The following ATP13A3 variants were observed in gnomAD, a reference collection of about 807,000 sequenced individuals.
ATP13A3 encodes the protein polyamine-transporting ATPase 13A3.
ATP13A3 carries 59 observed loss-of-function variants against 158.1 expected under a neutral mutation model. That is an observed-to-expected ratio of 0.37 (90% CI 0.30 to 0.46). The LOEUF (loss-of-function observed/expected upper bound fraction) is 0.46, where lower values mean the gene tolerates loss of function less well. Among genes scored for constraint, ATP13A3 ranks in the 20% least tolerant of loss-of-function variants. ATP13A3 has a pLI of 1.00. For missense variants in ATP13A3, 1,166 were observed against 1,525.2 expected, an observed-to-expected ratio of 0.76 and a Z score of 3.92; for synonymous variants, 491 against 504.3, an observed-to-expected ratio of 0.97 and a Z score of 0.35.
chr3:194,449,336 T>C (rs931212436), intron 11 of ATP13A3, among the ~76,000 whole-genome samples: 2 of 151,898 alleles, frequency 1.3e-5, no homozygotes, highest in African/African-American at 4.8e-5. Flanking sequence ...ATATAAATCA[T>C]TTTCTAGCCA....
At chr3:194,432,628 C>T (rs1717308775) in intron 21 of ATP13A3, among the ~76,000 whole-genome samples, 1 of 152,022 alleles carries the variant, frequency 6.6e-6, no homozygotes, top group Admixed American at 6.6e-5. Flanking sequence ...AGTGTCTTGA[C>T]AAAGAAGACG....
chr3:194,470,618 A>G (rs1263183635), intron 2 of ATP13A3, among the ~76,000 whole-genome samples: 1 of 152,220 alleles, frequency 6.6e-6, no homozygotes, highest in African/African-American at 2.4e-5. Context: ...TATGCAATGT[A>G]ATAAAACAGT....
intron 29 of ATP13A3, 130 bp downstream of exon 29, chr3:194,426,945 A>G: frequency 1.0e-6 from 1 of 963,182 alleles, no homozygotes; most frequent in Non-Finnish European, 1.5e-6. Context: ...CGGCCTCCCC[A>G]AAGTACTAGG....
In ATP13A3 at chr3:194,430,995, G is replaced by A. The variant is rs1273960220; in HGVS notation, c.2572C>T (p.Arg858Cys). Reference sequence around the variant, plus strand: ...TGTGTCTTCTGATCAGGTGCCATACGGGCAAACACGGTGCCATGCAACATC... The same window carrying A: ...TGTGTCTTCTGATCAGGTGCCATACAGGCAAACACGGTGCCATGCAACATC... ...KLMLHGTVFA[R>C]MAPDQKTQLI... The change falls in exon 24 of 34, where the codon CGT becomes TGT. Residue 858 changes from arginine to cysteine, a missense_variant. Physicochemically the swap from Arg to Cys is radical, Grantham distance 180. Transcript: ENST00000645319. 5 of 1,613,268 alleles carry A rather than the reference G, an allele frequency of 3.1e-6. No individual in the cohort carries two copies. The highest frequency in any genetic ancestry group is 4.2e-6 in the Non-Finnish European group (5 of 1,179,502).
At position 194,403,961 on chromosome 3, in the gene ATP13A3, A is replaced by C; in HGVS notation, c.*1958T>G. ...ATAGCTCTTTATGATCATGCTCTTAAAGATGTTAAATACAATCGGATAATT... is the reference window on the plus strand; with the variant it reads ...ATAGCTCTTTATGATCATGCTCTTACAGATGTTAAATACAATCGGATAATT... On this transcript the variant is annotated 3_prime_UTR_variant, in exon 34 of 34. Coordinates refer to ENST00000645319, the MANE Select transcript of ATP13A3 (RefSeq NM_001367549.1). 1 of 356,656 alleles carries C rather than the reference A, an allele frequency of 2.8e-6. No individual in the cohort carries two copies. Among genetic ancestry groups the C allele is most frequent in the Non-Finnish European group, 5.5e-6 (1 of 183,260 alleles). 22.1% of individuals were successfully genotyped at this position (356,656 alleles called of 1,614,324 possible). A position where few individuals can be genotyped will look rare whatever the true frequency, so the allele number is the denominator to read the frequency against.
intron 22 of ATP13A3, 36 bp from the exon 23 acceptor site, chr3:194,431,262 A>T: frequency 1.3e-6 from 2 of 1,545,082 alleles, no homozygotes; most frequent in East Asian, 4.6e-5. Context: ...ATATTTAGGC[A>T]ACCAAACCAA....
chr3:194,427,101 C>A lies in ATP13A3; in HGVS notation c.3099G>T (p.Trp1033Cys). 6.2e-7 allele frequency: 1 copy of A among 1,613,196 alleles called. No homozygotes were observed. Among genetic ancestry groups the A allele is most frequent in the Non-Finnish European group, 8.5e-7 (1 of 1,179,856 alleles). ...LGFFWVKQQP[W>C]YEVWHPKSDA... The stretch of plus-strand genomic sequence containing the variant: ...CTGATTTTGGATGCCACACTTCATA[C>A]CAAGGTTGCTGTTTGACCCAAAAAA... Residue 1033 changes from tryptophan to cysteine, a missense_variant, in exon 29 of 34, where the codon TGG (tryptophan) becomes TGT (cysteine). Trp to Cys is a radical substitution (Grantham distance 215). Around this residue, in one of 3 missense-constraint regions of ATP13A3, gnomAD observed 997 missense variants for 1,341.2 expected, o/e 0.74. Transcript: ENST00000645319.
intron 2 of ATP13A3, among the ~76,000 whole-genome samples, chr3:194,474,311 CCTAA>C (rs1251912956): frequency 6.6e-6 from 1 of 152,062 alleles, no homozygotes; most frequent in Admixed American, 6.6e-5. Context: ...AGCCACCACA[CCTAA>C]CTAATTCCCC....
chr3:194,473,774 C>T (rs1468947579), intron 2 of ATP13A3, among the ~76,000 whole-genome samples: 1 of 152,068 alleles, frequency 6.6e-6, no homozygotes, highest in Non-Finnish European at 1.5e-5. Flanking sequence ...AAACCTAGAA[C>T]CCACCTGAAC....
At position 194,430,315 on chromosome 3, in the gene ATP13A3, A is replaced by G. The variant is rs1261875559; in HGVS notation, c.2625T>C (p.Asp875=). The G allele has an allele frequency of 6.2e-7, 1 of 1,613,058 alleles. No homozygotes were observed. Among genetic ancestry groups the G allele is most frequent in the East Asian group, 2.2e-5 (1 of 44,868 alleles). Residue 875 remains aspartate, a splice_region_variant and synonymous_variant, in exon 25 of 34, where the codon GAT becomes GAC. Coordinates refer to ENST00000645319, the MANE Select transcript of ATP13A3 (RefSeq NM_001367549.1). ...CATCACCACACATCCCAACAAAATAACTAAGAAACAAAACAATGTTAAGAT... is the reference window on the plus strand; with the variant it reads ...CATCACCACACATCCCAACAAAATAGCTAAGAAACAAAACAATGTTAAGAT... ...TQLIEALQNV[D]YFVGMCGDGA... is the part of the protein sequence containing the mutation.
intron 2 of ATP13A3, chr3:194,472,088 C>T (rs1360926010): frequency 1.3e-5 from 2 of 152,732 alleles, no homozygotes; most frequent in African/African-American, 2.4e-5. Context: ...CCAGAGTCAA[C>T]CCTGCACCTC....
chr3:194,471,340 A>G (rs56118642), intron 2 of ATP13A3, among the ~76,000 whole-genome samples: 21 of 148,912 alleles, frequency 1.4e-4, no homozygotes, highest in Non-Finnish European at 2.1e-4. Context: ...AAAAAAAAAA[A>G]AAAAAAAGAA....
At chr3:194,493,412 C>T (rs535325740) in intron 2 of ATP13A3, among the ~76,000 whole-genome samples, 31 of 152,106 alleles carry the variant, frequency 2.0e-4, no homozygotes, top group African/African-American at 5.3e-4. Flanking sequence ...TTTGGGAGGC[C>T]GAGGCAGGTG....
At chr3:194,473,298 G>A (rs1385290248) in intron 2 of ATP13A3, among the ~76,000 whole-genome samples, 2 of 152,132 alleles carry the variant, frequency 1.3e-5, no homozygotes, top group Non-Finnish European at 2.9e-5. Flanking sequence ...TGATAATGGG[G>A]CGGAGAGAGA....
intron 27 of ATP13A3, 79 bp from the exon 28 acceptor site, chr3:194,428,996 G>A (rs1466383859): frequency 2.6e-5 from 25 of 951,674 alleles, no homozygotes; most frequent in Non-Finnish European, 3.6e-5. Flanking sequence ...TAATAGTTTG[G>A]ATTTTCCCTA....
At chr3:194,429,201 G>T (rs1222555544) in intron 27 of ATP13A3, among the ~76,000 whole-genome samples, 1 of 152,102 alleles carries the variant, frequency 6.6e-6, no homozygotes, top group Non-Finnish European at 1.5e-5. Context: ...GGCCGAGGCG[G>T]GCAGATCACT....
intron 10 of ATP13A3, 50 bp downstream of exon 10, chr3:194,453,656 G>A (rs1317021765): frequency 1.4e-6 from 2 of 1,432,494 alleles, no homozygotes; most frequent in Non-Finnish European, 2.0e-6. Flanking sequence ...CACACATTAT[G>A]CCTAACAGGT....
At chr3:194,484,350 C>A (rs564445816) in intron 2 of ATP13A3, among the ~76,000 whole-genome samples, 1 of 152,112 alleles carries the variant, frequency 6.6e-6, no homozygotes, top group Non-Finnish European at 1.5e-5. Context: ...GGTTTCTTTC[C>A]TTCTTCCATT....
rs1721178664 is a variant in ATP13A3, at chr3:194,494,158, C to T, written n.638G>A. 2.5e-6 allele frequency: 1 copy of T among 398,614 alleles called. No homozygotes were observed. Among genetic ancestry groups the T allele is most frequent in the East Asian group, 3.6e-5 (1 of 28,080 alleles). 24.7% of individuals were successfully genotyped at this position (398,614 alleles called of 1,614,324 possible). ...GATTCACCAGAATGAGTTCATCTCG[C>T]ATCAAAACTCTGGATTATCTGTTTA... On this transcript the variant is annotated non_coding_transcript_exon_variant, in exon 2 of 33. Transcript: ENST00000687055. This position sits in a 1 kb window ranked among gnomAD's most constrained non-coding sequence, Gnocchi z 4.2.
Sources: allele counts gnomAD v4.1 joint callset (sites outside exome capture counted in the v4.1 genomes callset), GRCh38; gene constraint gnomAD v4.1.1; regional missense constraint gnomAD v4.1.1; non-coding constraint Gnocchi (gnomAD v3.1); transcripts MANE v1.5; gene names NCBI Gene and HGNC (gene_info 2026-07-23, HGNC 2026-07-21).